Variants in OBP2B observed in about 807,000 individuals in gnomAD.
OBP2B encodes odorant binding protein 2B, also known as odorant-binding protein 2b.
A neutral mutation model predicts 21.7 loss-of-function variants in OBP2B; 10 were observed. That is an observed-to-expected ratio of 0.46 (90% CI 0.28 to 0.78). OBP2B has a LOEUF of 0.78. Among genes scored for constraint, OBP2B ranks in the 30% least tolerant of loss-of-function variants. The pLI is 0.11. For missense variants in OBP2B, 153 were observed against 217.7 expected, an observed-to-expected ratio of 0.70 and a Z score of 1.87; for synonymous variants, 73 against 91.5, an observed-to-expected ratio of 0.80 and a Z score of 1.16.
upstream of OBP2B, among the ~76,000 whole-genome samples, chr9:133,211,463 C>T (rs1432250641): frequency 6.6e-6 from 1 of 152,200 alleles, no homozygotes; most frequent in Non-Finnish European, 1.5e-5. Flanking sequence ...GTTCCTGGTG[C>T]ACGGACGTAT....
chr9:133,213,331 T>C (rs1321675756), upstream of OBP2B, among the ~76,000 whole-genome samples: 2 of 151,478 alleles, frequency 1.3e-5, no homozygotes, highest in African/African-American at 4.9e-5. Flanking sequence ...AAAAGAGAAG[T>C]CCAAAATCAA....
chr9:133,206,487 A>G (rs1833718191), intron 4 of OBP2B, 71 bp from the exon 5 acceptor site: 2 of 1,591,240 alleles, frequency 1.3e-6, no homozygotes, highest in East Asian at 4.5e-5. Flanking sequence ...AGATGCCGAA[A>G]GGAGACGACC....
upstream of OBP2B, among the ~76,000 whole-genome samples, chr9:133,211,466 G>T (rs563818606): frequency 6.6e-6 from 1 of 152,170 alleles, no homozygotes; most frequent in African/African-American, 2.4e-5. Context: ...CCTGGTGCAC[G>T]GACGTATTCA....
At chr9:133,217,192 G>A in the OBP2B span, among the ~76,000 whole-genome samples, 1 of 152,116 alleles carries the variant, frequency 6.6e-6, no homozygotes, top group Non-Finnish European at 1.5e-5. Context: ...ATTCTTTGGG[G>A]CACAAGGAAT....
the OBP2B span, among the ~76,000 whole-genome samples, chr9:133,222,739 A>G: frequency 1.3e-5 from 2 of 152,136 alleles, no homozygotes; most frequent in African/African-American, 4.8e-5. Flanking sequence ...ACAAAAAAAA[A>G]GTGTCATTCT....
At chr9:133,210,870 G>T (rs1455852112), upstream of OBP2B, among the ~76,000 whole-genome samples, 1 of 152,124 alleles carries the variant, frequency 6.6e-6, no homozygotes, top group Non-Finnish European at 1.5e-5. Flanking sequence ...GCTGGAGGTT[G>T]GGGGTCAACC....
At chr9:133,220,586 T>G in the OBP2B span, among the ~76,000 whole-genome samples, 2 of 149,672 alleles carry the variant, frequency 1.3e-5, no homozygotes, top group Non-Finnish European at 3.0e-5. Context: ...TGGATGTGTG[T>G]ATGTGGTAGA....
At chr9:133,206,520 G>A in intron 4 of OBP2B, 104 bp from the exon 5 acceptor site, 3 of 1,468,180 alleles carry the variant, frequency 2.0e-6, no homozygotes, top group Non-Finnish European at 2.8e-6. Context: ...CAGGACAGGG[G>A]GAGAGGCCTG....
upstream of OBP2B, among the ~76,000 whole-genome samples, chr9:133,209,930 G>A (rs1214404219): frequency 6.6e-6 from 1 of 152,270 alleles, no homozygotes; most frequent in South Asian, 2.1e-4. This position sits in a 1 kb window ranked among gnomAD's most constrained non-coding sequence, Gnocchi z 6.0. Flanking sequence ...CAGAACACGC[G>A]ATCTCTCTGG....
intron 4 of OBP2B, 173 bp from the exon 5 acceptor site, chr9:133,206,589 A>G (rs1175307419): frequency 1.3e-6 from 1 of 776,964 alleles, no homozygotes; most frequent in Non-Finnish European, 2.1e-6. Context: ...ACTGCCCAGC[A>G]CCAGGACAAG....
upstream of OBP2B, among the ~76,000 whole-genome samples, chr9:133,213,385 A>G (rs1400383846): frequency 2.0e-5 from 3 of 152,248 alleles, no homozygotes; most frequent in Non-Finnish European, 4.4e-5. Flanking sequence ...AGAAGAGCAA[A>G]ATAAACCCAA....
the OBP2B span, among the ~76,000 whole-genome samples, chr9:133,216,549 A>G: frequency 2.6e-5 from 4 of 152,260 alleles, no homozygotes; most frequent in South Asian, 4.1e-4. Context: ...TTTGTCCCAG[A>G]AAAATGAAAA....
chr9:133,206,093 C>G (rs1421295054), intron 5 of OBP2B, among the ~76,000 whole-genome samples, 153 bp from the exon 6 acceptor site: 7 of 149,648 alleles, frequency 4.7e-5, no homozygotes, highest in Non-Finnish European at 9.0e-5. Flanking sequence ...GAGCCCCAGA[C>G]CCCATCGCAG....
upstream of OBP2B, among the ~76,000 whole-genome samples, chr9:133,213,946 A>C (rs145499708): frequency 2.0e-3 from 311 of 152,342 alleles, no homozygotes; most frequent in African/African-American, 7.2e-3. Flanking sequence ...GCTGCAGAAC[A>C]ATATACCTCA....
chr9:133,211,563 C>T (rs1372694722), upstream of OBP2B, among the ~76,000 whole-genome samples: 1 of 152,206 alleles, frequency 6.6e-6, no homozygotes, highest in African/African-American at 2.4e-5. Flanking sequence ...AATCAGCATC[C>T]TCAGTCTGTA....
chr9:133,219,296 C>T, the OBP2B span, among the ~76,000 whole-genome samples: 5 of 152,284 alleles, frequency 3.3e-5, no homozygotes, highest in South Asian at 2.1e-4. Context: ...AACTTTTGTA[C>T]GTCAGTGGAC....
At chr9:133,211,350 A>G (rs1394039313), upstream of OBP2B, among the ~76,000 whole-genome samples, 2 of 152,232 alleles carry the variant, frequency 1.3e-5, no homozygotes, top group Admixed American at 1.3e-4. Flanking sequence ...CATCAGTTAC[A>G]AAATGGACTT....
At chr9:133,207,857 T>C (rs1306185241) in intron 3 of OBP2B, 1 of 1,510,440 alleles carries the variant, frequency 6.6e-7, no homozygotes. Flanking sequence ...TTGGCCTCCT[T>C]GTCCCAATCC....
intron 2 of OBP2B, 28 bp from the exon 3 acceptor site, chr9:133,208,231 G>A (rs373327892): frequency 5.6e-6 from 9 of 1,611,392 alleles, no homozygotes; most frequent in Non-Finnish European, 7.6e-6. Flanking sequence ...CGCGGGCAGC[G>A]GCTCCCAGGA....
Sources: gnomAD v4.1 joint callset for allele counts (sites outside exome capture counted in the v4.1 genomes callset) on GRCh38, gnomAD v4.1.1 for gene constraint, Gnocchi (gnomAD v3.1) non-coding constraint, MANE v1.5 for transcripts, NCBI Gene and HGNC (gene_info 2026-07-23, HGNC 2026-07-21) for gene names.